Variants in DOCK9 observed in about 807,000 individuals in gnomAD.
DOCK9 encodes dedicator of cytokinesis protein 9.
Under a neutral mutation model 263.3 loss-of-function variants are expected in DOCK9, and 89 were observed. The ratio of observed to expected loss-of-function variants is 0.34; its 90% confidence interval spans 0.28 to 0.40. The LOEUF is 0.40. DOCK9 is among the 10% of genes least tolerant of loss of function. The probability of loss-of-function intolerance (pLI) is 1.00; values close to 1 mark genes in which losing one functional copy is unlikely to be tolerated. For missense variants in DOCK9, 2,140 were observed against 2,603.4 expected (o/e 0.82, Z 3.87); for synonymous variants, 976 against 973.1 (o/e 1.00, Z -0.06).
intron 1 of DOCK9, among the ~76,000 whole-genome samples, chr13:99,041,221 C>T (rs1888424748): frequency 6.6e-6 from 1 of 152,188 alleles, no homozygotes; most frequent in African/African-American, 2.4e-5. Flanking sequence ...CAGTGGCTCA[C>T]ACCTGTAGTC....
chr13:98,994,618 T>TCC (rs1218813448), intron 1 of DOCK9, among the ~76,000 whole-genome samples: 6 of 152,156 alleles, frequency 3.9e-5, no homozygotes, highest in African/African-American at 1.4e-4. Context: ...ATTGTGTTAC[T>TCC]CATATATAAT....
At chr13:98,868,425 ATTTGGGAGG>A in intron 27 of DOCK9, 48 bp from the exon 28 acceptor site, 1 of 1,544,586 alleles carries the variant, frequency 6.5e-7, no homozygotes, top group South Asian at 1.2e-5. Flanking sequence ...AGTTGCAATC[ATTTGGGAGG>A]AAAAAATATC....
chr13:98,955,250 G>A (rs572711076), intron 2 of DOCK9, among the ~76,000 whole-genome samples, 185 bp downstream of exon 2: 3 of 152,076 alleles, frequency 2.0e-5, no homozygotes, highest in Non-Finnish European at 2.9e-5. Flanking sequence ...CCCAGGAGGC[G>A]GAGGTTGCCG....
intron 1 of DOCK9, among the ~76,000 whole-genome samples, chr13:99,056,272 T>C (rs1000874022): frequency 6.6e-6 from 1 of 151,990 alleles, no homozygotes; most frequent in Non-Finnish European, 1.5e-5. Flanking sequence ...TCAGCTTCCC[T>C]GGCTATCCAA....
Position 98,853,672 on chromosome 13 carries a change from C to T in DOCK9, c.3832-150G>A, listed in dbSNP as rs2093630949. The T allele has an allele frequency of 9.4e-6, 6 of 639,132 alleles. No homozygotes were observed. In the South Asian group the frequency reaches 1.2e-4, roughly 13 times the overall value. The allele number at this position is 639,132 out of a possible 1,614,324, so 39.6% of individuals were successfully genotyped here. ...AACTTGCTGACAATTAAACCACAGGCACCCTTTCGCCCAAATATAACACAC... is the reference window on the plus strand; with the variant it reads ...AACTTGCTGACAATTAAACCACAGGTACCCTTTCGCCCAAATATAACACAC... On this transcript the variant is annotated intron_variant, in intron 34 of 52. Coordinates refer to ENST00000682017, the MANE Select transcript of DOCK9 (RefSeq NM_001366683.2).
At chr13:99,059,964 C>T (rs1339662521) in intron 1 of DOCK9, among the ~76,000 whole-genome samples, 2 of 151,216 alleles carry the variant, frequency 1.3e-5, no homozygotes, top group African/African-American at 4.9e-5. Context: ...TTCATCCATA[C>T]TGTGGCATGT....
chr13:98,947,555 C>T (rs936582949), intron 2 of DOCK9, among the ~76,000 whole-genome samples: 13 of 129,562 alleles, frequency 1.0e-4, no homozygotes, highest in African/African-American at 2.7e-4. Flanking sequence ...ATTGCTTAGG[C>T]TGGGGTTGCA....
In DOCK9 at chr13:99,070,120, T is replaced by A. The variant is rs573173014; in HGVS notation, c.129+16103A>T. Among the ~76,000 whole-genome samples, 7 of 152,024 alleles carry A rather than the reference T, an allele frequency of 4.6e-5. No individual in the cohort carries two copies. In the South Asian group the frequency reaches 1.5e-3, roughly 32 times the overall value. ...CATTTAATGCAGGGCTCTTAACTGT[T>A]GACAATATTTTTGCTTCCAACATGC... On this transcript the variant is annotated intron_variant, in intron 1 of 32. Transcript: ENST00000427887.
At position 98,800,372 on chromosome 13, in the gene DOCK9, C is replaced by A. The variant is rs1419971047; in HGVS notation, c.5832G>T (p.Val1944=). Residue 1944 remains valine (V), a synonymous_variant, in exon 50 of 53, where the codon GTG becomes GTT. Coordinates refer to ENST00000682017, the MANE Select transcript of DOCK9 (RefSeq NM_001366683.2). The part of the protein sequence containing the change: ...EVAIDEMSKK[V]AELRQLCSSA... ...AGGAGCACAGCTGCCGGAGCTCCGC[C>A]ACCTTCTTACTCATCTCGTCAATGG... 2 of 1,613,808 alleles carry A rather than the reference C, an allele frequency of 1.2e-6. No individual in the cohort carries two copies. The highest frequency in any genetic ancestry group is 2.7e-5 in the African/African-American group (2 of 74,926).
chr13:99,086,905 G>A (rs886981659), upstream of DOCK9, among the ~76,000 whole-genome samples: 1 of 151,936 alleles, frequency 6.6e-6, no homozygotes, highest in Admixed American at 6.5e-5. Flanking sequence ...ACCGGAGGAG[G>A]GGACTGCGCA....
At chr13:98,901,551 TAGGATGTC>T (rs2048280720) in intron 13 of DOCK9, among the ~76,000 whole-genome samples, 1 of 152,216 alleles carries the variant, frequency 6.6e-6, no homozygotes, top group Admixed American at 6.5e-5. Context: ...CAAATTATTT[TAGGATGTC>T]AGAACTGTCT....
intron 9 of DOCK9, among the ~76,000 whole-genome samples, chr13:98,911,529 T>C (rs1035355274): frequency 2.6e-5 from 4 of 152,210 alleles, no homozygotes; most frequent in Non-Finnish European, 5.9e-5. Context: ...ATACACACTA[T>C]ATGTATAAAT....
At chr13:98,946,230 C>T (rs2056686062) in intron 2 of DOCK9, among the ~76,000 whole-genome samples, 1 of 152,190 alleles carries the variant, frequency 6.6e-6, no homozygotes, top group African/African-American at 2.4e-5. Context: ...AACAGTCTCT[C>T]TAGCTACACT....
chr13:98,995,737 C>G (rs888152854), intron 1 of DOCK9, among the ~76,000 whole-genome samples: 3 of 152,070 alleles, frequency 2.0e-5, no homozygotes, highest in Non-Finnish European at 4.4e-5. Context: ...ATCCGCCCGT[C>G]TAGGCCTCCC....
intron 1 of DOCK9, among the ~76,000 whole-genome samples, chr13:98,986,328 T>C (rs1438576954): frequency 6.6e-6 from 1 of 152,210 alleles, no homozygotes; most frequent in African/African-American, 2.4e-5. Flanking sequence ...AGTGTCACAG[T>C]TCACAGCAAT....
intron 1 of DOCK9, among the ~76,000 whole-genome samples, chr13:98,957,432 C>G (rs1262507464): frequency 6.6e-6 from 1 of 151,802 alleles, no homozygotes; most frequent in East Asian, 1.9e-4. Flanking sequence ...AATGACCAAA[C>G]AAGTACACAA....
intron 33 of DOCK9, 190 bp from the exon 34 acceptor site, chr13:98,856,221 C>G: frequency 1.9e-6 from 1 of 524,702 alleles, no homozygotes; most frequent in South Asian, 3.4e-5. Flanking sequence ...AGAAACTAGT[C>G]TGAAACATTC....
Position 98,829,792 on chromosome 13 carries a change from C to T in DOCK9, c.4636-36G>A. 5 of 1,527,184 alleles carry T rather than the reference C, an allele frequency of 3.3e-6. No homozygotes were observed. The highest frequency in any genetic ancestry group is 4.5e-6 in the Non-Finnish European group (5 of 1,119,790). The allele number at this position is 1,527,184 out of a possible 1,614,324, so 94.6% of individuals were successfully genotyped here. On this transcript the variant is annotated intron_variant, in intron 41 of 52. Transcript: ENST00000682017. The surrounding 1 kb of genome is among the most constrained non-coding windows in gnomAD (Gnocchi z 4.1). ...CACAAACATGAGCAAATCAATTTAC[C>T]TTCAAATGACTGCCCAGGCTGGGCT... is the stretch of plus-strand genomic sequence containing the variant.
chr13:98,796,205 C>G, intron 52 of DOCK9: 1 of 1,585,048 alleles, frequency 6.3e-7, no homozygotes, highest in South Asian at 1.2e-5. Context: ...AATGACATTA[C>G]CATCCCAGCT....
Sources: gnomAD v4.1 joint callset for allele counts (sites outside exome capture counted in the v4.1 genomes callset) on GRCh38, gnomAD v4.1.1 for gene constraint, Gnocchi (gnomAD v3.1) non-coding constraint, MANE v1.5 for transcripts, NCBI Gene and HGNC (gene_info 2026-07-23, HGNC 2026-07-21) for gene names.